The following PTPRT variants were observed in gnomAD, a reference collection of about 807,000 sequenced individuals.
The protein encoded by PTPRT is protein tyrosine phosphatase receptor type T, also known as receptor-type tyrosine-protein phosphatase T.
PTPRT carries 56 observed loss-of-function variants against 176.8 expected under a neutral mutation model. That is an observed-to-expected ratio of 0.32 (90% CI 0.26 to 0.40). The LOEUF is 0.40. Ranked by LOEUF, PTPRT falls within the 10% of genes least tolerant of loss-of-function variation. The pLI, the probability that PTPRT is intolerant of heterozygous loss-of-function variation, is 1.00. For missense variants in PTPRT, 1,540 were observed against 1,908.2 expected (o/e 0.81, Z 3.60); for synonymous variants, 783 against 739.0 (o/e 1.06, Z -0.96).
intron 16 of PTPRT, among the ~76,000 whole-genome samples, chr20:42,191,390 A>G (rs1990998345): frequency 6.6e-6 from 1 of 152,194 alleles, no homozygotes; most frequent in Admixed American, 6.5e-5. Flanking sequence ...TATATTTTAA[A>G]CCCAGGTTTA....
At chr20:43,080,098 T>C (rs2011398208) in intron 1 of PTPRT, among the ~76,000 whole-genome samples, 1 of 152,214 alleles carries the variant, frequency 6.6e-6, no homozygotes, top group South Asian at 2.1e-4. Flanking sequence ...CCCCTCACAT[T>C]GGGCAAAGTA....
chr20:42,715,606 G>A (rs1316610542), intron 6 of PTPRT, among the ~76,000 whole-genome samples: 1 of 152,126 alleles, frequency 6.6e-6, no homozygotes, highest in Non-Finnish European at 1.5e-5. Context: ...AATCCAGTCT[G>A]AACAATGGAT....
At chr20:42,528,106 CCTT>C (rs1355568577) in intron 7 of PTPRT, among the ~76,000 whole-genome samples, 5 of 152,098 alleles carry the variant, frequency 3.3e-5, no homozygotes, top group African/African-American at 1.2e-4. Flanking sequence ...TCCAAACTGG[CCTT>C]CTTATTGTTC....
chr20:43,027,475 C>CA (rs3092377), intron 1 of PTPRT, among the ~76,000 whole-genome samples: 4,954 of 139,354 alleles, frequency 0.036, 273 homozygotes, highest in African/African-American at 0.11. Context: ...GACTCCACCT[C>CA]AAAAAAAAAA....
At chr20:42,778,059 C>G (rs1192236643) in intron 4 of PTPRT, among the ~76,000 whole-genome samples, 1 of 152,172 alleles carries the variant, frequency 6.6e-6, no homozygotes, top group African/African-American at 2.4e-5. Flanking sequence ...AATTTCATGA[C>G]CATGCCACCC....
intron 2 of PTPRT, among the ~76,000 whole-genome samples, chr20:42,811,926 C>T (rs912880605): frequency 6.6e-6 from 1 of 152,154 alleles, no homozygotes; most frequent in African/African-American, 2.4e-5. Flanking sequence ...TGCCTGAGTA[C>T]ATTTACTCTT....
chr20:42,766,157 T>G (rs2076979614), intron 5 of PTPRT, among the ~76,000 whole-genome samples: 2 of 152,228 alleles, frequency 1.3e-5, no homozygotes, highest in Admixed American at 1.3e-4. Flanking sequence ...CACAAAACTG[T>G]AGACCACTTT....
chr20:42,976,214 G>T (rs2146076537), intron 1 of PTPRT, among the ~76,000 whole-genome samples: 1 of 152,176 alleles, frequency 6.6e-6, no homozygotes, highest in East Asian at 1.9e-4. Flanking sequence ...TGAGAAAACT[G>T]TATCAGATAC....
At chr20:42,202,162 G>A (rs941887191) in intron 15 of PTPRT, among the ~76,000 whole-genome samples, 14 of 152,202 alleles carry the variant, frequency 9.2e-5, no homozygotes, top group African/African-American at 2.4e-4. Flanking sequence ...TAGAGACAGC[G>A]TTTTACCATA....
chr20:42,403,745 CTCT>C (rs762436968), intron 9 of PTPRT, among the ~76,000 whole-genome samples: 7 of 152,134 alleles, frequency 4.6e-5, no homozygotes, highest in Non-Finnish European at 8.8e-5. Context: ...CTCACCTCCA[CTCT>C]TCTTCTCCAC....
intron 17 of PTPRT, among the ~76,000 whole-genome samples, chr20:42,143,004 A>G (rs982008577): frequency 2.6e-5 from 4 of 152,158 alleles, no homozygotes; most frequent in African/African-American, 7.2e-5. Context: ...CAACCAAATG[A>G]CCATATTCAA....
intron 27 of PTPRT, among the ~76,000 whole-genome samples, chr20:42,094,124 C>T (rs946858940): frequency 3.9e-5 from 6 of 152,148 alleles, no homozygotes; most frequent in Admixed American, 2.6e-4. Context: ...TTATATGTCC[C>T]GAAGTGAAGT....
chr20:42,773,230 T>C (rs968972808), intron 4 of PTPRT, among the ~76,000 whole-genome samples: 1 of 152,188 alleles, frequency 6.6e-6, no homozygotes, highest in African/African-American at 2.4e-5. Context: ...TGTCTACCAA[T>C]CTGTGTCAGC....
intron 2 of PTPRT, among the ~76,000 whole-genome samples, chr20:42,850,712 T>C (rs2078453758): frequency 6.6e-6 from 1 of 152,172 alleles, no homozygotes; most frequent in African/African-American, 2.4e-5. Context: ...GCCTGGTCCT[T>C]TTTCTCCAAG....
chr20:42,859,473 G>A (rs1385469374), intron 2 of PTPRT, among the ~76,000 whole-genome samples: 4 of 151,708 alleles, frequency 2.6e-5, no homozygotes, highest in Non-Finnish European at 5.9e-5. Flanking sequence ...GTGTCTGCCG[G>A]ATTATTTTTC....
At chr20:42,410,471 C>G (rs1002522070) in intron 9 of PTPRT, among the ~76,000 whole-genome samples, 2 of 151,414 alleles carry the variant, frequency 1.3e-5, no homozygotes, top group African/African-American at 2.4e-5. Context: ...ATATGAAAAT[C>G]CACAACTATA....
intron 1 of PTPRT, among the ~76,000 whole-genome samples, chr20:43,113,018 A>G (rs1357841931): frequency 1.3e-5 from 2 of 151,974 alleles, no homozygotes; most frequent in African/African-American, 4.8e-5. Context: ...TTCATGATAT[A>G]AACGTATCTC....
intron 2 of PTPRT, among the ~76,000 whole-genome samples, chr20:42,843,936 A>C (rs1418240513): frequency 6.6e-6 from 1 of 152,266 alleles, no homozygotes; most frequent in East Asian, 1.9e-4. Context: ...GGAAAATCTC[A>C]GAAACTTGGC....
intron 11 of PTPRT, among the ~76,000 whole-genome samples, chr20:42,320,325 A>C (rs1265118125): frequency 3.3e-5 from 5 of 152,060 alleles, no homozygotes; most frequent in South Asian, 4.2e-4. Flanking sequence ...GTGGCTTGAG[A>C]TTCTCGGACC....
Sources: gnomAD v4.1 joint callset for allele counts (sites outside exome capture counted in the v4.1 genomes callset) on GRCh38, gnomAD v4.1.1 for gene constraint, MANE v1.5 for transcripts, NCBI Gene and HGNC (gene_info 2026-07-23, HGNC 2026-07-21) for gene names.